The following GDAP1L1 variants were observed in gnomAD, a reference collection of about 807,000 sequenced individuals.
GDAP1L1 encodes ganglioside induced differentiation associated protein 1 like 1.
GDAP1L1 carries 21 observed loss-of-function variants against 37.1 expected under a neutral mutation model. That is an observed-to-expected ratio of 0.57 (90% CI 0.40 to 0.81). The LOEUF (loss-of-function observed/expected upper bound fraction) is 0.81, where lower values mean the gene tolerates loss of function less well. Ranked by LOEUF, GDAP1L1 falls within the 40% of genes least tolerant of loss-of-function variation. The pLI, the probability that GDAP1L1 is intolerant of heterozygous loss-of-function variation, is 0.00. For missense variants in GDAP1L1, 362 were observed against 491.6 expected, an observed-to-expected ratio of 0.74 and a Z score of 2.49; for synonymous variants, 193 against 209.1, an observed-to-expected ratio of 0.92 and a Z score of 0.67.
At chr20:44,254,131 G>A (rs987153553) in intron 1 of GDAP1L1, among the ~76,000 whole-genome samples, 1 of 152,224 alleles carries the variant, frequency 6.6e-6, no homozygotes, top group Non-Finnish European at 1.5e-5. Flanking sequence ...CTTCTCCAGG[G>A]CACAGGCCGC....
At chr20:44,258,114 T>G in intron 2 of GDAP1L1, 1 of 716,050 alleles carries the variant, frequency 1.4e-6, no homozygotes, top group Non-Finnish European at 2.6e-6. Flanking sequence ...GTTGCCAACA[T>G]TTAAAAGTCA....
At chr20:44,247,256 G>C, upstream of GDAP1L1, 3 of 1,439,132 alleles carry the variant, frequency 2.1e-6, no homozygotes, top group Non-Finnish European at 2.9e-6. Context: ...GGCAGGCTCG[G>C]CGAGGCCATG....
In GDAP1L1 at chr20:44,279,504, T is replaced by G; in HGVS notation, c.*204T>G. The G allele has an allele frequency of 1.4e-6, 1 of 707,294 alleles. No homozygotes were observed. The highest frequency in any genetic ancestry group is 2.6e-6 in the Non-Finnish European group (1 of 379,816). The allele number at this position is 707,294 out of a possible 1,614,324, so 43.8% of individuals were successfully genotyped here. On this transcript the variant is annotated 3_prime_UTR_variant, in exon 6 of 6. Transcript: ENST00000342560. ...CTGTGACTCAAGGCCACGGCTCTACTAAAAGAGAGAGAGGAAGCGAGAGAG... is the reference window on the plus strand; with the variant it reads ...CTGTGACTCAAGGCCACGGCTCTACGAAAAGAGAGAGAGGAAGCGAGAGAG...
At chr20:44,252,443 C>A (rs2073463067) in intron 1 of GDAP1L1, among the ~76,000 whole-genome samples, 1 of 152,144 alleles carries the variant, frequency 6.6e-6, no homozygotes. Flanking sequence ...AGGTTGAGAC[C>A]AGCCTGACCA....
At chr20:44,249,361 G>C (rs1369683868) in intron 1 of GDAP1L1, among the ~76,000 whole-genome samples, 1 of 152,176 alleles carries the variant, frequency 6.6e-6, no homozygotes, top group African/African-American at 2.4e-5. Flanking sequence ...TAAGGCACTA[G>C]GTAAAGGAGG....
At chr20:44,269,984 C>T (rs907257430) in intron 5 of GDAP1L1, among the ~76,000 whole-genome samples, 9 of 152,184 alleles carry the variant, frequency 5.9e-5, no homozygotes, top group African/African-American at 2.2e-4. Flanking sequence ...GACTGACTCT[C>T]AAAGGAGAGG....
chr20:44,251,729 C>A (rs906304666), intron 1 of GDAP1L1, among the ~76,000 whole-genome samples: 2 of 152,216 alleles, frequency 1.3e-5, no homozygotes, highest in Admixed American at 6.5e-5. Context: ...CTCAGGCCCT[C>A]CTGCAGGGTC....
chr20:44,267,200 C>T (rs1383183575), intron 5 of GDAP1L1, among the ~76,000 whole-genome samples: 3 of 152,176 alleles, frequency 2.0e-5, no homozygotes, highest in African/African-American at 7.2e-5. Context: ...GATTTCAACT[C>T]ACTTAATCCC....
intron 5 of GDAP1L1, among the ~76,000 whole-genome samples, chr20:44,278,054 T>C (rs1057341295): frequency 1.3e-5 from 2 of 149,572 alleles, no homozygotes; most frequent in African/African-American, 4.9e-5. Flanking sequence ...TTAGGGAGGC[T>C]GAAGCGGGAG....
intron 5 of GDAP1L1, among the ~76,000 whole-genome samples, chr20:44,273,479 A>T (rs868275554): frequency 6.6e-6 from 1 of 151,196 alleles, no homozygotes; most frequent in African/African-American, 2.4e-5. Flanking sequence ...TCACAATCGC[A>T]CCTCCCTCCG....
chr20:44,279,504 T>C lies in GDAP1L1; in HGVS notation c.*204T>C, dbSNP rs1163561533. The C allele has an allele frequency of 1.4e-6, 1 of 707,176 alleles. No homozygotes were observed. The highest frequency in any genetic ancestry group is 1.8e-5 in the African/African-American group (1 of 56,898). 43.8% of individuals were successfully genotyped at this position (707,176 alleles called of 1,614,324 possible). ...CTGTGACTCAAGGCCACGGCTCTAC[T>C]AAAAGAGAGAGAGGAAGCGAGAGAG... On this transcript the variant is annotated 3_prime_UTR_variant, in exon 6 of 6. Coordinates refer to ENST00000342560, the MANE Select transcript of GDAP1L1 (RefSeq NM_024034.6).
At chr20:44,255,457 G>A (rs1445834520) in intron 1 of GDAP1L1, among the ~76,000 whole-genome samples, 3 of 143,054 alleles carry the variant, frequency 2.1e-5, no homozygotes, top group South Asian at 2.2e-4. Context: ...TAGGAGAATC[G>A]CTTGAACCCA....
intron 1 of GDAP1L1, among the ~76,000 whole-genome samples, chr20:44,252,165 C>T (rs2073457067): frequency 1.3e-5 from 2 of 152,220 alleles, no homozygotes; most frequent in Admixed American, 6.5e-5. Flanking sequence ...GTTCAAGGAG[C>T]CCCTGAATTA....
At chr20:44,267,728 A>G (rs1254791237) in intron 5 of GDAP1L1, among the ~76,000 whole-genome samples, 1 of 152,128 alleles carries the variant, frequency 6.6e-6, no homozygotes, top group Non-Finnish European at 1.5e-5. Context: ...CCCGGCACAC[A>G]GTACAGAAGT....
chr20:44,247,246 G>A (rs1420896258), upstream of GDAP1L1: 9 of 1,314,634 alleles, frequency 6.8e-6, no homozygotes, highest in South Asian at 8.7e-5. Context: ...GGAGGAGAGG[G>A]GCAGGCTCGG....
chr20:44,247,508 G>A lies in GDAP1L1; in HGVS notation c.174G>A (p.Ser58=). The change falls in exon 1 of 6, where the codon TCG becomes TCA. Residue 58 remains serine (S), a synonymous_variant. Coordinates refer to ENST00000342560, the MANE Select transcript of GDAP1L1 (RefSeq NM_024034.6). ...ACCACTGGACCCAGTCCTTCAGCTC[G>A]CAGAAGGTAGAGCCGGGCCGGGAGC... ...VLYHWTQSFS[S]QKVRLVIAEK... is the part of the protein sequence containing the mutation. 6.6e-7 allele frequency: 1 copy of A among 1,516,696 alleles called. No individual in the cohort carries two copies. Among genetic ancestry groups the A allele is most frequent in the Non-Finnish European group, 8.9e-7 (1 of 1,129,916 alleles). The allele number at this position is 1,516,696 out of a possible 1,614,324, so 94.0% of individuals were successfully genotyped here.
chr20:44,257,397 G>T (rs1389270136), intron 2 of GDAP1L1, 52 bp downstream of exon 2: 4 of 1,533,424 alleles, frequency 2.6e-6, no homozygotes, highest in Non-Finnish European at 3.6e-6. Flanking sequence ...GATCCTCAGG[G>T]GTCCCCACAG....
chr20:44,252,230 G>A (rs578065032), intron 1 of GDAP1L1, among the ~76,000 whole-genome samples: 5 of 152,308 alleles, frequency 3.3e-5, no homozygotes, highest in African/African-American at 7.2e-5. Flanking sequence ...TGCACAACCC[G>A]GCCAGGCGTG....
intron 5 of GDAP1L1, among the ~76,000 whole-genome samples, chr20:44,274,527 C>T (rs1437892231): frequency 1.3e-5 from 2 of 152,188 alleles, no homozygotes; most frequent in Non-Finnish European, 2.9e-5. Context: ...GTCACCAGTT[C>T]TCAGGCCTCC....
Sources: gnomAD v4.1 joint callset for allele counts (sites outside exome capture counted in the v4.1 genomes callset) on GRCh38, gnomAD v4.1.1 for gene constraint, MANE v1.5 for transcripts, NCBI Gene and HGNC (gene_info 2026-07-23, HGNC 2026-07-21) for gene names.